Variants in DNAH6 observed in about 807,000 individuals in gnomAD.
The protein encoded by DNAH6 is axonemal beta dynein heavy chain 6.
DNAH6 carries 340 observed loss-of-function variants against 491.4 expected under a neutral mutation model. The observed-to-expected ratio is 0.69, with a 90% CI of 0.63 to 0.76. The LOEUF is 0.76. DNAH6 is among the 30% of genes least tolerant of loss of function. The pLI is 0.00. For synonymous variants in DNAH6, 1,603 were observed against 1,686.1 expected, an observed-to-expected ratio of 0.95 and a Z score of 1.21; for missense variants, 4,443 against 4,972.2, an observed-to-expected ratio of 0.89 and a Z score of 3.20.
At chr2:84,713,518 G>A (rs1036218981) in intron 57 of DNAH6, among the ~76,000 whole-genome samples, 3 of 152,174 alleles carry the variant, frequency 2.0e-5, no homozygotes, top group Non-Finnish European at 2.9e-5. Context: ...GCTCTGTCTC[G>A]CTCCACTGTG....
chr2:84,771,614 A>G (rs1246683773), intron 64 of DNAH6, among the ~76,000 whole-genome samples: 1 of 152,238 alleles, frequency 6.6e-6, no homozygotes, highest in African/African-American at 2.4e-5. Flanking sequence ...GATTCTCAGT[A>G]AAATTAATGG....
At chr2:84,670,642 G>A (rs1692644889) in intron 39 of DNAH6, among the ~76,000 whole-genome samples, 167 bp downstream of exon 39, 1 of 152,170 alleles carries the variant, frequency 6.6e-6, no homozygotes, top group Admixed American at 6.5e-5. Context: ...AGATGTCTTA[G>A]TGTTGCCAAG....
intron 64 of DNAH6, 40 bp downstream of exon 64, chr2:84,762,985 A>G (rs754198872): frequency 1.4e-6 from 2 of 1,458,286 alleles, no homozygotes; most frequent in Middle Eastern, 1.7e-4. Flanking sequence ...GCAAATGCAT[A>G]TGAACATCTC....
At chr2:84,602,697 C>A (rs1685365344) in intron 18 of DNAH6, among the ~76,000 whole-genome samples, 1 of 150,754 alleles carries the variant, frequency 6.6e-6, no homozygotes, top group African/African-American at 2.4e-5. Context: ...ATTTTTCAAG[C>A]ATTTCTTCTG....
chr2:84,744,582 C>A (rs1191901804), intron 62 of DNAH6, among the ~76,000 whole-genome samples: 1 of 152,070 alleles, frequency 6.6e-6, no homozygotes, highest in African/African-American at 2.4e-5. Context: ...TTATCATAGA[C>A]TGATTTTATT....
At chr2:84,479,365 A>G in the DNAH6 span, among the ~76,000 whole-genome samples, 3 of 152,216 alleles carry the variant, frequency 2.0e-5, no homozygotes, top group Non-Finnish European at 4.4e-5. Context: ...CATACTGTCC[A>G]GCACTGGATC....
intron 22 of DNAH6, among the ~76,000 whole-genome samples, chr2:84,616,369 C>A (rs1251968852): frequency 6.6e-6 from 1 of 151,946 alleles, no homozygotes; most frequent in African/African-American, 2.4e-5. Flanking sequence ...TTTGGGAGCT[C>A]CAGTGTTAGG....
At chr2:84,543,643 G>A (rs944195385) in intron 4 of DNAH6, among the ~76,000 whole-genome samples, 1 of 151,932 alleles carries the variant, frequency 6.6e-6, no homozygotes, top group Non-Finnish European at 1.5e-5. Flanking sequence ...TTTTTACTCT[G>A]TTCTTGCTTC....
intron 59 of DNAH6, among the ~76,000 whole-genome samples, chr2:84,720,267 CTTTTTTTTTTTTTTTT>C (rs56944137): frequency 8.1e-5 from 4 of 49,480 alleles, no homozygotes; most frequent in African/African-American, 2.2e-4. Context: ...AAGAGTGCTT[CTTTTTTTTTTTTTTTT>C]TTTTTTTTTT....
At chr2:84,576,357 C>G (rs1682447427) in intron 12 of DNAH6, among the ~76,000 whole-genome samples, 1 of 151,966 alleles carries the variant, frequency 6.6e-6, no homozygotes. Flanking sequence ...CTGGTGTGTT[C>G]TTTATACTAT....
chr2:84,791,484 T>C (rs933009982), intron 68 of DNAH6, among the ~76,000 whole-genome samples: 6 of 151,878 alleles, frequency 4.0e-5, no homozygotes, highest in African/African-American at 1.4e-4. Flanking sequence ...GTCAAGCCTA[T>C]AGAGATGGAA....
chr2:84,780,178 A>C (rs1388718968), intron 64 of DNAH6, among the ~76,000 whole-genome samples: 1 of 151,312 alleles, frequency 6.6e-6, no homozygotes, highest in Non-Finnish European at 1.5e-5. Context: ...TTGCATGTCA[A>C]CCTCCCTAGC....
At chr2:84,743,541 G>A (rs1374530815) in intron 62 of DNAH6, among the ~76,000 whole-genome samples, 2 of 152,134 alleles carry the variant, frequency 1.3e-5, no homozygotes, top group African/African-American at 4.8e-5. Context: ...ACATTATTAA[G>A]CTAGGTGTGG....
chr2:84,798,617 C>A (rs1678564978), intron 70 of DNAH6, among the ~76,000 whole-genome samples: 1 of 152,228 alleles, frequency 6.6e-6, no homozygotes, highest in Non-Finnish European at 1.5e-5. Flanking sequence ...TCAAGACAGG[C>A]CCCACCACCA....
chr2:84,597,363 A>G (rs554386541), intron 18 of DNAH6, among the ~76,000 whole-genome samples: 6 of 152,358 alleles, frequency 3.9e-5, no homozygotes, highest in African/African-American at 1.4e-4. Flanking sequence ...GCTGAACACC[A>G]TTAGTTATTA....
rs1227001711 is a variant in DNAH6, at chr2:84,815,897, A to T, written c.12187A>T (p.Met4063Leu). Reference protein sequence around the residue: ...SPEDGVLVHGMFMDASRWDDK... With the variant: ...SPEDGVLVHGLFMDASRWDDK... ...TGAGGATGGTGTTCTTGTTCATGGG[A>T]TGTTCATGGATGCTTCTCGATGGGA... Residue 4063 changes from methionine (M) to leucine (L), a missense_variant, in exon 76 of 77, where the codon ATG becomes TTG. Met to Leu is a conservative substitution (Grantham distance 15). Coordinates refer to ENST00000389394, the MANE Select transcript of DNAH6 (RefSeq NM_001370.2). The T allele has an allele frequency of 6.4e-7, 1 of 1,551,476 alleles. No homozygotes were observed. The highest frequency in any genetic ancestry group is 8.7e-7 in the Non-Finnish European group (1 of 1,146,948).
intron 3 of DNAH6, among the ~76,000 whole-genome samples, chr2:84,528,350 A>G (rs1676801328): frequency 6.6e-6 from 1 of 152,236 alleles, no homozygotes; most frequent in East Asian, 1.9e-4. Context: ...CACTGGTCTA[A>G]AAAACAGCCG....
chr2:84,791,587 T>A (rs923037436), intron 68 of DNAH6, among the ~76,000 whole-genome samples: 1 of 151,738 alleles, frequency 6.6e-6, no homozygotes, highest in African/African-American at 2.4e-5. Flanking sequence ...GGAAATGTTC[T>A]AAAATTAGAT....
At chr2:84,799,663 C>G (rs376536436) in intron 70 of DNAH6, among the ~76,000 whole-genome samples, 9 of 152,244 alleles carry the variant, frequency 5.9e-5, no homozygotes, top group East Asian at 3.8e-4. Context: ...TAGGCAGTTA[C>G]CTAAGGAGTA....
Sources: gnomAD v4.1 joint callset for allele counts (sites outside exome capture counted in the v4.1 genomes callset) on GRCh38, gnomAD v4.1.1 for gene constraint, MANE v1.5 for transcripts, NCBI Gene and HGNC (gene_info 2026-07-23, HGNC 2026-07-21) for gene names.